RPS6KA6: variants seen among roughly 807,000 people sequenced by gnomAD.
RPS6KA6 encodes ribosomal protein S6 kinase alpha-6.
A neutral mutation model predicts 65.4 loss-of-function variants in RPS6KA6; 27 were observed. The observed-to-expected ratio is 0.41, with a 90% CI of 0.30 to 0.57. RPS6KA6 has a LOEUF of 0.57. Ranked by LOEUF, RPS6KA6 falls within the 20% of genes least tolerant of loss-of-function variation. The probability of loss-of-function intolerance (pLI) is 0.24; values close to 1 mark genes in which losing one functional copy is unlikely to be tolerated. For missense variants in RPS6KA6, 486 were observed against 555.6 expected, an observed-to-expected ratio of 0.87 and a Z score of 1.26; for synonymous variants, 190 against 184.2, an observed-to-expected ratio of 1.03 and a Z score of -0.26.
intron 1 of RPS6KA6, among the ~76,000 whole-genome samples, chrX:84,165,730 A>C (rs2147611559): frequency 9.0e-6 from 1 of 111,411 alleles, no homozygotes; most frequent in East Asian, 2.8e-4. Flanking sequence ...GGCCAGAGGA[A>C]GCAGGAAAAG....
At chrX:84,134,927 A>G (rs1389956346) in intron 7 of RPS6KA6, 108 bp from the exon 8 acceptor site, 4 of 628,859 alleles carry the variant, frequency 6.4e-6, no homozygotes, top group Non-Finnish European at 9.6e-6. Context: ...TAATATATGT[A>G]AAAAATTTAA....
intron 21 of RPS6KA6, 71 bp downstream of exon 21, chrX:84,064,900 A>G: frequency 1.3e-6 from 1 of 782,550 alleles, no homozygotes; most frequent in Non-Finnish European, 1.9e-6. Flanking sequence ...AAGTGTCATC[A>G]GCAAGTGGCA....
At chrX:84,103,968 A>C (rs959537986) in intron 17 of RPS6KA6, among the ~76,000 whole-genome samples, 1 of 110,867 alleles carries the variant, frequency 9.0e-6, no homozygotes, top group African/African-American at 3.3e-5. Context: ...ATATATTAAA[A>C]GTTCCCTTTT....
intron 1 of RPS6KA6, among the ~76,000 whole-genome samples, chrX:84,183,211 T>C (rs1417465979): frequency 8.9e-6 from 1 of 111,908 alleles, no homozygotes; most frequent in South Asian, 3.7e-4. Flanking sequence ...TTACATTGAA[T>C]TAATTCCTAC....
intron 9 of RPS6KA6, among the ~76,000 whole-genome samples, chrX:84,119,454 T>C (rs1408003675): frequency 2.7e-5 from 3 of 111,706 alleles, no homozygotes; most frequent in African/African-American, 9.8e-5. Context: ...AGATGAAAAG[T>C]AGTATAAGAC....
chrX:84,103,375 G>A (rs1404144882), intron 17 of RPS6KA6, among the ~76,000 whole-genome samples: 2 of 110,967 alleles, frequency 1.8e-5, no homozygotes, highest in Non-Finnish European at 3.8e-5. Flanking sequence ...CAAATAAAAT[G>A]TAGGACTGGT....
At chrX:84,164,460 C>CT (rs925497603) in intron 1 of RPS6KA6, 73 bp from the exon 2 acceptor site, 4 of 705,301 alleles carry the variant, frequency 5.7e-6, no homozygotes, top group Non-Finnish European at 6.6e-6. Flanking sequence ...AAATATAACC[C>CT]TAGGCATTTC....
At chrX:84,121,064 T>C (rs1049067606) in intron 8 of RPS6KA6, among the ~76,000 whole-genome samples, 7 of 112,444 alleles carry the variant, frequency 6.2e-5, no homozygotes, top group African/African-American at 1.9e-4. Flanking sequence ...TCTAATGCAA[T>C]TGATATCTTA....
chrX:84,107,718 T>C lies in RPS6KA6; in HGVS notation c.1016A>G (p.Tyr339Cys), dbSNP rs765271370. 1.8e-6 allele frequency: 2 copies of C among 1,113,396 alleles called. No individual in the cohort carries two copies. Among genetic ancestry groups the C allele is most frequent in the Non-Finnish European group, 2.5e-6 (2 of 810,600 alleles). The allele number at this position is 1,113,396 out of a possible 1,213,427, so 91.8% of individuals were successfully genotyped here. Residue 339 changes from tyrosine (Y) to cysteine (C), a missense_variant, in exon 13 of 22, where the codon TAT (tyrosine) becomes TGT (cysteine). Coordinates refer to ENST00000262752, the MANE Select transcript of RPS6KA6 (RefSeq NM_014496.5). ...GAAAGGAGGTTGAACTTCTCTTTTATATAATTTCTAGAAGGGACAACCAGA... is the reference window on the plus strand; with the variant it reads ...GAAAGGAGGTTGAACTTCTCTTTTACATAATTTCTAGAAGGGACAACCAGA... ...FFANIDWDKLYKREVQPPFKP... is the reference protein window; with the variant it reads ...FFANIDWDKLCKREVQPPFKP...
At chrX:84,102,577 G>A (rs1367764160) in intron 17 of RPS6KA6, among the ~76,000 whole-genome samples, 1 of 110,363 alleles carries the variant, frequency 9.1e-6, no homozygotes, top group Non-Finnish European at 1.9e-5. Context: ...AGTCCATAAT[G>A]GACTAAGACC....
intron 3 of RPS6KA6, among the ~76,000 whole-genome samples, chrX:84,151,219 T>C (rs1263270261): frequency 1.1e-5 from 1 of 91,725 alleles, no homozygotes; most frequent in Admixed American, 1.3e-4. Flanking sequence ...ATAGGATATA[T>C]ATAGATATAG....
chrX:84,170,184 A>C (rs954382081), intron 1 of RPS6KA6, among the ~76,000 whole-genome samples: 19 of 109,156 alleles, frequency 1.7e-4, no homozygotes, highest in African/African-American at 5.7e-4. Context: ...AAAAAAAAAA[A>C]AAGAAAATAT....
At chrX:84,177,263 A>G (rs754826499) in intron 1 of RPS6KA6, among the ~76,000 whole-genome samples, 8 of 111,843 alleles carry the variant, frequency 7.2e-5, no homozygotes, top group Non-Finnish European at 1.3e-4. Context: ...TTTAACTTGC[A>G]AGCCTGTTAA....
At chrX:84,103,869 C>A (rs1602409109) in intron 17 of RPS6KA6, among the ~76,000 whole-genome samples, 1 of 110,791 alleles carries the variant, frequency 9.0e-6, no homozygotes, top group South Asian at 3.7e-4. Context: ...TTTTAAATTT[C>A]TTTATTAAGT....
intron 20 of RPS6KA6, among the ~76,000 whole-genome samples, chrX:84,095,932 T>A (rs1467701197): frequency 2.7e-5 from 3 of 112,011 alleles, no homozygotes; most frequent in Non-Finnish European, 5.6e-5. Context: ...TTTCCAAAAT[T>A]TACATTTTTG....
rs1037081785 is a variant in RPS6KA6 at position 84,078,120 on chromosome X, A to C, written c.1972-13009T>G. ...TAATTGCAAAGCATAGATCTGACAG[A>C]GAACTTGCATTTAACACTCAAAAAC... On this transcript the variant is annotated intron_variant, in intron 20 of 21. Transcript: ENST00000262752. Among the ~76,000 whole-genome samples, 13 of 112,407 alleles carry C rather than the reference A, an allele frequency of 1.2e-4. No homozygotes were observed. In the East Asian group the frequency reaches 3.6e-3, roughly 31 times the overall value.
chrX:84,167,752 C>G (rs768452399), intron 1 of RPS6KA6, among the ~76,000 whole-genome samples: 1 of 110,461 alleles, frequency 9.1e-6, no homozygotes, highest in Non-Finnish European at 1.9e-5. Flanking sequence ...AGGGAAGAGG[C>G]TGACTACAAA....
chrX:84,111,557 C>T (rs1009080394), intron 12 of RPS6KA6, among the ~76,000 whole-genome samples: 1 of 111,514 alleles, frequency 9.0e-6, no homozygotes, highest in Admixed American at 9.5e-5. Flanking sequence ...TTAAAAAGTG[C>T]CATCCAAGAA....
At chrX:84,093,532 C>A (rs1354638200) in intron 20 of RPS6KA6, among the ~76,000 whole-genome samples, 2 of 111,917 alleles carry the variant, frequency 1.8e-5, no homozygotes, top group Non-Finnish European at 3.8e-5. Context: ...TCCCTAATAT[C>A]TTATGCTATG....
Sources: allele counts gnomAD v4.1 joint callset (sites outside exome capture counted in the v4.1 genomes callset), GRCh38; gene constraint gnomAD v4.1.1; transcripts MANE v1.5; gene names NCBI Gene and HGNC (gene_info 2026-07-23, HGNC 2026-07-21).